Variants in HTR2B observed in about 807,000 individuals in gnomAD.
HTR2B encodes the protein 5-hydroxytryptamine receptor 2B, also known as 5-HT 2B receptor.
Under a neutral mutation model 39.8 loss-of-function variants are expected in HTR2B, and 31 were observed. The observed-to-expected ratio is 0.78, with a 90% CI of 0.58 to 1.05. HTR2B has a LOEUF of 1.05. Ranked by LOEUF, HTR2B falls within the 50% of genes least tolerant of loss-of-function variation. The pLI is 0.00. For missense variants in HTR2B, 562 were observed against 578.0 expected (o/e 0.97, Z 0.28); for synonymous variants, 210 against 207.1 (o/e 1.01, Z -0.12).
At chr2:231,122,934 A>G (rs371682098) in intron 2 of HTR2B, among the ~76,000 whole-genome samples, 1 of 152,180 alleles carries the variant, frequency 6.6e-6, no homozygotes, top group Non-Finnish European at 1.5e-5. Flanking sequence ...AAGAGCTATA[A>G]TAAGAATTTT....
At chr2:231,118,955 A>G (rs985042420) in intron 2 of HTR2B, among the ~76,000 whole-genome samples, 4 of 151,844 alleles carry the variant, frequency 2.6e-5, no homozygotes, top group African/African-American at 9.6e-5. Context: ...AGAAATTCTA[A>G]TGCTTCTGTC....
rs568451050 is a variant in HTR2B, at chr2:231,108,785, C to T, written c.1178G>A (p.Arg393Gln). ...GGCCCGGTAATTGCAGGTGATATAT[C>T]GGCCAAATGCATCCCGAAATGTCTT... ...FNKTFRDAFG[R>Q]YITCNYRATK... Residue 393 changes from arginine (R) to glutamine (Q), a missense_variant, in exon 4 of 4, where the codon CGA (arginine) becomes CAA (glutamine). Transcript: ENST00000258400. The T allele has an allele frequency of 1.2e-4, 196 of 1,614,048 alleles. 3 individuals are homozygous for T. The South Asian group carries it at 1.7e-3, about 14-fold the overall frequency.
chr2:231,108,317 T>A lies in HTR2B; in HGVS notation c.*200A>T. The A allele has an allele frequency of 1.9e-6, 1 of 537,220 alleles. No homozygotes were observed. The highest frequency in any genetic ancestry group is 3.3e-6 in the Non-Finnish European group (1 of 305,164). 33.3% of individuals were successfully genotyped at this position (537,220 alleles called of 1,614,324 possible). A position where few individuals can be genotyped will look rare whatever the true frequency, so the allele number is the denominator to read the frequency against. ...ACCAGAGTGCTGGATTGTTTTCATT[T>A]GTAGCTATATAAAATTATTTTCCTC... On this transcript the variant is annotated 3_prime_UTR_variant, in exon 4 of 4. Transcript: ENST00000258400.
Position 231,108,255 on chromosome 2 carries a change from G to T in HTR2B, c.*262C>A. On this transcript the variant is annotated 3_prime_UTR_variant, in exon 4 of 4. Transcript: ENST00000258400. ...TTCTTTTTAAAGCCTGAAATTTATT[G>T]ATTTGACTTTATTTCATTCGAATAC... 2.8e-6 allele frequency: 1 copy of T among 350,948 alleles called. No individual in the cohort carries two copies. Among genetic ancestry groups the T allele is most frequent in the East Asian group, 5.6e-5 (1 of 18,008 alleles). 21.7% of individuals were successfully genotyped at this position (350,948 alleles called of 1,614,324 possible).
Position 231,109,066 on chromosome 2 carries a change from T to TTC in HTR2B, c.895_896dup (p.Thr300LysfsTer28), listed in dbSNP as rs1410477948. On this transcript the variant is annotated frameshift_variant, in exon 4 of 4. Transcript: ENST00000258400. LOFTEE classifies it high-confidence loss of function. ...TTGTGGATGTTCTTCGCATAAGTGT[T>TTC]TCATCACCTGAGTTGGGCAGAGCCT... The TTC allele has an allele frequency of 6.2e-7, 1 of 1,614,244 alleles. No individual in the cohort carries two copies. Among genetic ancestry groups the TTC allele is most frequent in the Admixed American group, 1.7e-5 (1 of 60,028 alleles).
In HTR2B at chr2:231,108,687, T is replaced by TA. The variant is rs760960108; in HGVS notation, c.1275dup (p.Lys426Ter). 1.1e-5 allele frequency: 18 copies of TA among 1,614,038 alleles called. No individual in the cohort carries two copies. Among genetic ancestry groups the TA allele is most frequent in the East Asian group, 4.5e-5 (2 of 44,886 alleles). ...CGAATTCCATGTTTCTTGAAAAACTTAGAGTTCTCTGCCATTGGATTCCGG... is the reference window on the plus strand; with the variant it reads ...CGAATTCCATGTTTCTTGAAAAACTTAAGAGTTCTCTGCCATTGGATTCCGG... On this transcript the variant is annotated frameshift_variant, in exon 4 of 4. Transcript: ENST00000258400. LOFTEE classifies it high-confidence loss of function.
rs1216636033 is a variant in HTR2B, at chr2:231,123,527, A to G, written c.238T>C (p.Ser80Pro). The G allele has an allele frequency of 1.2e-6, 2 of 1,614,026 alleles. No homozygotes were observed. The highest frequency in any genetic ancestry group is 1.3e-5 in the African/African-American group (1 of 74,952). ...GCATACTGCAGCTTCTTCTCCAGTG[A>G]AACAGCCAGAATAACAAGGGTATTT... ...GGNTLVILAV[S>P]LEKKLQYATN... The change falls in exon 2 of 4, where the codon TCA (serine) becomes CCA (proline). Residue 80 changes from serine to proline, a missense_variant. Coordinates refer to ENST00000258400, the MANE Select transcript of HTR2B (RefSeq NM_000867.5).
At position 231,108,922 on chromosome 2, in the gene HTR2B, TAA is replaced by T; in HGVS notation, c.1039_1040del (p.Leu347SerfsTer4). The T allele has an allele frequency of 6.2e-7, 1 of 1,614,078 alleles. No individual in the cohort carries two copies. The highest frequency in any genetic ancestry group is 8.5e-7 in the Non-Finnish European group (1 of 1,179,990). ...TTTGGTTACAGGAATCACATAAAAC[TAA>T]AGTTATATTTGTAATAAAGAAGGGA... ...WCPFFITNIT[L>X]VLCDSCNQTT... On this transcript the variant is annotated frameshift_variant, in exon 4 of 4. Coordinates refer to ENST00000258400, the MANE Select transcript of HTR2B (RefSeq NM_000867.5). LOFTEE classifies it high-confidence loss of function.
chr2:231,123,751 TAAGA>T lies in HTR2B; in HGVS notation c.10_13del (p.Ser4ThrfsTer39). On this transcript the variant is annotated frameshift_variant, in exon 2 of 4. Transcript: ENST00000258400. LOFTEE classifies it high-confidence loss of function. ...TGTGCTTTGAAGTTCAGACACTCTG[TAAGA>T]GAGAGCCATTTGCTGTTTTTCTGTG... 6.2e-7 allele frequency: 1 copy of T among 1,613,522 alleles called. No individual in the cohort carries two copies. The highest frequency in any genetic ancestry group is 8.5e-7 in the Non-Finnish European group (1 of 1,179,418).
chr2:231,109,826 T>C (rs1695094666), intron 3 of HTR2B, among the ~76,000 whole-genome samples: 1 of 152,232 alleles, frequency 6.6e-6, no homozygotes, highest in Non-Finnish European at 1.5e-5. Context: ...AGAGTACATT[T>C]ATTCAATATC....
At chr2:231,120,483 T>G (rs1695501026) in intron 2 of HTR2B, among the ~76,000 whole-genome samples, 1 of 152,202 alleles carries the variant, frequency 6.6e-6, no homozygotes, top group Non-Finnish European at 1.5e-5. Context: ...TCAAGTCCAG[T>G]GCTCCCAGAT....
chr2:231,123,684 GA>G lies in HTR2B; in HGVS notation c.80del (p.Ile27ThrfsTer17). 1 of 1,614,038 alleles carries G rather than the reference GA, an allele frequency of 6.2e-7. No homozygotes were observed. Among genetic ancestry groups the G allele is most frequent in the Non-Finnish European group, 8.5e-7 (1 of 1,179,926 alleles). ...HILQSTFVHV[I>X]SSNWSGLQTE... ...TCTGTAATCCAGACCAGTTAGAAGA[GA>G]TAACGTGAACAAAGGTGCTCTGCAA... is the stretch of plus-strand genomic sequence containing the variant. On this transcript the variant is annotated frameshift_variant, in exon 2 of 4. Transcript: ENST00000258400. LOFTEE classifies it high-confidence loss of function.
intron 3 of HTR2B, 54 bp downstream of exon 3, chr2:231,113,675 C>T: frequency 6.6e-7 from 1 of 1,513,758 alleles, no homozygotes. Flanking sequence ...TTCTCCTAGC[C>T]AAGTGGAACC....
At chr2:231,119,949 A>G (rs1398613515) in intron 2 of HTR2B, among the ~76,000 whole-genome samples, 2 of 147,426 alleles carry the variant, frequency 1.4e-5, no homozygotes, top group Non-Finnish European at 3.0e-5. Context: ...TTCCCGTGTT[A>G]CTTTTTTTTT....
At chr2:231,113,285 C>T (rs75643103) in intron 3 of HTR2B, among the ~76,000 whole-genome samples, 3,392 of 152,204 alleles carry the variant, frequency 0.022, 137 homozygotes, top group African/African-American at 0.077. Context: ...GATACCTGCC[C>T]ACAAAATGTT....
At position 231,108,857 on chromosome 2, in the gene HTR2B, C is replaced by A; in HGVS notation, c.1106G>T (p.Gly369Val). 1.2e-6 allele frequency: 2 copies of A among 1,614,046 alleles called. No homozygotes were observed. The highest frequency in any genetic ancestry group is 1.7e-6 in the Non-Finnish European group (2 of 1,179,982). ...AGGATTCACTCCTGAGGAAACATAG[C>A]CTATCCACACAAATATCTCCAGGAG... ...QMLLEIFVWI[G>V]YVSSGVNPLV... The change falls in exon 4 of 4, where the codon GGC becomes GTC. Residue 369 changes from glycine (G) to valine (V), a missense_variant. Gly to Val is a moderately radical substitution (Grantham distance 109). Transcript: ENST00000258400.
Position 231,108,292 on chromosome 2 carries a change from A to G in HTR2B, c.*225T>C, listed in dbSNP as rs1695025135. 2.2e-6 allele frequency: 1 copy of G among 455,292 alleles called. No homozygotes were observed. The highest frequency in any genetic ancestry group is 3.9e-6 in the Non-Finnish European group (1 of 258,038). 28.2% of individuals were successfully genotyped at this position (455,292 alleles called of 1,614,324 possible). On this transcript the variant is annotated 3_prime_UTR_variant, in exon 4 of 4. Coordinates refer to ENST00000258400, the MANE Select transcript of HTR2B (RefSeq NM_000867.5). ...TTTCATTCGAATACCTTAAAATTTA[A>G]CCAGAGTGCTGGATTGTTTTCATTT...
chr2:231,108,762 C>T lies in HTR2B; in HGVS notation c.1201G>A (p.Ala401Thr), dbSNP rs865839831. 1.6e-5 allele frequency: 26 copies of T among 1,613,954 alleles called. No individual in the cohort carries two copies. Among genetic ancestry groups the T allele is most frequent in the Non-Finnish European group, 2.1e-5 (25 of 1,180,022 alleles). Residue 401 changes from alanine to threonine, a missense_variant, in exon 4 of 4, where the codon GCC (alanine) becomes ACC (threonine). By Grantham distance (58) the Ala-to-Thr change is moderately conservative (BLOSUM62 0). Transcript: ENST00000258400. ...CTGAGAGTTTTTACTGACTTTGTGG[C>T]CCGGTAATTGCAGGTGATATATCGG... is the stretch of plus-strand genomic sequence containing the variant. ...FGRYITCNYR[A>T]TKSVKTLRKR...
Position 231,123,521 on chromosome 2 carries a change from CCA to C in HTR2B, c.242_243del (p.Leu81ArgfsTer9). 1 of 1,613,930 alleles carries C rather than the reference CCA, an allele frequency of 6.2e-7. No individual in the cohort carries two copies. The highest frequency in any genetic ancestry group is 1.1e-5 in the South Asian group (1 of 91,076). On this transcript the variant is annotated frameshift_variant, in exon 2 of 4. Transcript: ENST00000258400. LOFTEE classifies it high-confidence loss of function. ...TTAGTAGCATACTGCAGCTTCTTCT[CCA>C]GTGAAACAGCCAGAATAACAAGGGT... ...GNTLVILAVS[L>X]EKKLQYATNY... is the part of the protein sequence containing the mutation.
Sources: allele counts gnomAD v4.1 joint callset (sites outside exome capture counted in the v4.1 genomes callset), GRCh38; gene constraint gnomAD v4.1.1; transcripts MANE v1.5; gene names NCBI Gene and HGNC (gene_info 2026-07-23, HGNC 2026-07-21).